The following DLGAP2 variants were observed in gnomAD, a reference collection of about 807,000 sequenced individuals.
DLGAP2 encodes the protein disks large-associated protein 2.
Under a neutral mutation model 100.3 loss-of-function variants are expected in DLGAP2, and 26 were observed. That is an observed-to-expected ratio of 0.26 (90% CI 0.19 to 0.36). DLGAP2 has a LOEUF of 0.36. Among genes scored for constraint, DLGAP2 ranks in the 10% least tolerant of loss-of-function variants. The pLI is 1.00. For missense variants in DLGAP2, 1,858 were observed against 1,453.2 expected, an observed-to-expected ratio of 1.28 and a Z score of -4.53; for synonymous variants, 886 against 630.1, an observed-to-expected ratio of 1.41 and a Z score of -6.08.
chr8:1,384,782 GCA>G, intron 3 of DLGAP2, among the ~76,000 whole-genome samples: 1 of 42,250 alleles, frequency 2.4e-5, no homozygotes, highest in Admixed American at 2.0e-4. Flanking sequence ...AGAACTTGGT[GCA>G]CAGTTACCCC....
intron 4 of DLGAP2, among the ~76,000 whole-genome samples, chr8:1,523,513 C>CCG (rs1800682541): frequency 6.6e-6 from 1 of 152,108 alleles, no homozygotes; most frequent in African/African-American, 2.4e-5. Flanking sequence ...GTGCCTTAGA[C>CCG]GGGGGGGAAG....
At chr8:1,051,295 G>A (rs866368386) in intron 2 of DLGAP2, among the ~76,000 whole-genome samples, 18 of 152,210 alleles carry the variant, frequency 1.2e-4, no homozygotes, top group Middle Eastern at 3.4e-3. Context: ...TTTTTCAGCA[G>A]CACTCACCTG....
chr8:1,325,059 A>G (rs568501301), intron 3 of DLGAP2, among the ~76,000 whole-genome samples: 42 of 152,288 alleles, frequency 2.8e-4, no homozygotes, highest in African/African-American at 1.0e-3. Context: ...GAACCGATGG[A>G]TGCTCTGCCT....
At chr8:1,007,215 A>T (rs963007787) in intron 2 of DLGAP2, among the ~76,000 whole-genome samples, 2 of 152,108 alleles carry the variant, frequency 1.3e-5, no homozygotes, top group African/African-American at 4.8e-5. Flanking sequence ...GTGCATCTCA[A>T]GTCTTAGGAT....
chr8:1,410,521 A>T (rs1304331587), intron 3 of DLGAP2, among the ~76,000 whole-genome samples: 1 of 152,248 alleles, frequency 6.6e-6, no homozygotes, highest in Admixed American at 6.5e-5. Context: ...GCAGGGGTCC[A>T]TCTGCAGGCT....
intron 1 of DLGAP2, among the ~76,000 whole-genome samples, chr8:770,255 T>TGCGTGCGTG (rs753728488): frequency 2.0e-5 from 3 of 151,664 alleles, no homozygotes; most frequent in Non-Finnish European, 4.4e-5. Flanking sequence ...TGAGGGAGAG[T>TGCGTGCGTG]GCGTGCGTGG....
At chr8:1,343,900 G>A (rs1293389600) in intron 3 of DLGAP2, among the ~76,000 whole-genome samples, 1 of 152,196 alleles carries the variant, frequency 6.6e-6, no homozygotes, top group Non-Finnish European at 1.5e-5. Flanking sequence ...TCTCACGGGT[G>A]CGAGCTCCCT....
intron 1 of DLGAP2, among the ~76,000 whole-genome samples, chr8:899,354 C>G (rs1798207269): frequency 6.6e-6 from 1 of 152,218 alleles, no homozygotes; most frequent in Non-Finnish European, 1.5e-5. Flanking sequence ...CTGATGCCTG[C>G]ACCTGCCTTC....
rs552174808 is a variant in DLGAP2, at chr8:1,698,476, G to A, written c.2949+1177G>A. ...CCATGCATGGGACAGGTCCACGTAA[G>A]CCATGCGTGGGACTAGGCAGGTCCA... On this transcript the variant is annotated intron_variant, in intron 14 of 14. Coordinates refer to ENST00000637795, the MANE Select transcript of DLGAP2 (RefSeq NM_001346810.2). Among the ~76,000 whole-genome samples the A allele has an allele frequency of 3.9e-5, 6 of 151,916 alleles. No homozygotes were observed. In the South Asian group the frequency reaches 1.3e-3, roughly 32 times the overall value.
At chr8:1,640,041 G>A (rs117986481) in intron 8 of DLGAP2, among the ~76,000 whole-genome samples, 5,430 of 152,298 alleles carry the variant, frequency 0.036, 141 homozygotes, top group South Asian at 0.059. Flanking sequence ...GCGTTATTCT[G>A]TTTACCATAG....
intron 3 of DLGAP2, among the ~76,000 whole-genome samples, chr8:1,307,183 A>AAAACT (rs112484989): frequency 1.3e-5 from 2 of 151,332 alleles, no homozygotes; most frequent in Non-Finnish European, 3.0e-5. Context: ...TTAAATAACT[A>AAAACT]CAACAGCAAA....
chr8:1,638,652 G>T (rs1585021108), intron 8 of DLGAP2, among the ~76,000 whole-genome samples: 1 of 152,232 alleles, frequency 6.6e-6, no homozygotes, highest in Non-Finnish European at 1.5e-5. Flanking sequence ...GGAGCTCCAG[G>T]GGCTCCCGGC....
Position 1,605,555 on chromosome 8 carries a change from A to C in DLGAP2, c.1443-21185A>C, listed in dbSNP as rs138145471. On this transcript the variant is annotated intron_variant, in intron 6 of 14. Transcript: ENST00000637795. ...AACGTGCTACATTCTTGTGGGCCTA[A>C]GTGCCTCTTTAGGATGAAATCTTTT... is the stretch of plus-strand genomic sequence containing the variant. 2.3e-3 allele frequency among the ~76,000 whole-genome samples: 348 copies of C among 152,320 alleles called. 1 individual carries two copies. The highest frequency in any genetic ancestry group is 8.1e-3 in the African/African-American group (338 of 41,570).
chr8:1,171,861 T>C (rs933543484), intron 2 of DLGAP2, among the ~76,000 whole-genome samples: 9 of 152,210 alleles, frequency 5.9e-5, no homozygotes, highest in African/African-American at 2.2e-4. Flanking sequence ...TGTCTTTTAA[T>C]TGGAGCATTT....
intron 2 of DLGAP2, among the ~76,000 whole-genome samples, chr8:1,090,640 T>C (rs967773487): frequency 6.6e-6 from 1 of 152,220 alleles, no homozygotes; most frequent in Non-Finnish European, 1.5e-5. Context: ...GACTGAGCCC[T>C]GAGGGGCCTC....
chr8:1,070,149 C>G (rs1803382687), intron 2 of DLGAP2, among the ~76,000 whole-genome samples: 1 of 152,208 alleles, frequency 6.6e-6, no homozygotes. Context: ...TTGTGCACCT[C>G]TTTGCTCTCT....
chr8:824,018 ATTTCTTCTTCTTTTT>A (rs11274828), intron 1 of DLGAP2, among the ~76,000 whole-genome samples: 71,600 of 140,438 alleles, frequency 0.51, 17,589 homozygotes, highest in East Asian at 0.81. Flanking sequence ...CTGGGACAAC[ATTTCTTCTTCTTTTT>A]TTTCTTCTTC....
chr8:1,583,278 G>A lies in DLGAP2; in HGVS notation c.1442+17384G>A, dbSNP rs375778447. Among the ~76,000 whole-genome samples the A allele has an allele frequency of 1.7e-4, 26 of 152,324 alleles. No individual in the cohort carries two copies. In the East Asian group the frequency reaches 2.9e-3, roughly 17 times the overall value. ...TGGGTTGGGTGAGGTGATCAAGTGA[G>A]TAACCAAGAGAACACCAGCTATTGA... On this transcript the variant is annotated intron_variant, in intron 6 of 14. Coordinates refer to ENST00000637795, the MANE Select transcript of DLGAP2 (RefSeq NM_001346810.2).
chr8:1,643,210 A>C (rs555499963), intron 8 of DLGAP2, among the ~76,000 whole-genome samples: 4 of 12,754 alleles, frequency 3.1e-4, no homozygotes, highest in Admixed American at 7.7e-4. Flanking sequence ...TCACCCTGGA[A>C]CCCGCCGGCC....
Sources: allele counts gnomAD v4.1 joint callset (sites outside exome capture counted in the v4.1 genomes callset), GRCh38; gene constraint gnomAD v4.1.1; transcripts MANE v1.5; gene names NCBI Gene and HGNC (gene_info 2026-07-23, HGNC 2026-07-21).